EPHB1: variants seen among roughly 807,000 people sequenced by gnomAD.
EPHB1 encodes ephrin type-B receptor 1.
Under a neutral mutation model 94.4 loss-of-function variants are expected in EPHB1, and 30 were observed. The ratio of observed to expected loss-of-function variants is 0.32; its 90% CI spans 0.24 to 0.43. EPHB1 has a LOEUF of 0.43. EPHB1 is among the 20% of genes least tolerant of loss of function. EPHB1 has a pLI of 1.00. For missense variants in EPHB1, 1,055 were observed against 1,308.3 expected, an observed-to-expected ratio of 0.81 and a Z score of 2.99; for synonymous variants, 522 against 489.1, an observed-to-expected ratio of 1.07 and a Z score of -0.89.
At chr3:135,253,843 G>T (rs1478806570) in intron 15 of EPHB1, among the ~76,000 whole-genome samples, 1 of 152,178 alleles carries the variant, frequency 6.6e-6, no homozygotes, top group Admixed American at 6.5e-5. Flanking sequence ...TCCTACCCAT[G>T]AGCATGGAAT....
rs149829973 is a variant in EPHB1 at position 135,019,156 on chromosome 3, C to T, written c.805+67104C>T. Among the ~76,000 whole-genome samples the T allele has an allele frequency of 3.9e-4, 60 of 152,284 alleles. No individual in the cohort carries two copies. In the East Asian group the frequency reaches 0.012, roughly 29 times the overall value. On this transcript the variant is annotated intron_variant, in intron 3 of 15. Coordinates refer to ENST00000398015, the MANE Select transcript of EPHB1 (RefSeq NM_004441.5). ...TACCTCAGACCCCGAGCCTTTAGCACCAGCACAGGAGGTGGCTGCCCCCAC... is the reference window on the plus strand; with the variant it reads ...TACCTCAGACCCCGAGCCTTTAGCATCAGCACAGGAGGTGGCTGCCCCCAC...
rs144805610 is a variant in EPHB1 at position 135,233,598 on chromosome 3, C to G, written c.2347-7550C>G. Reference sequence around the variant, plus strand: ...GTCTGGAGGATGATGGCCCTCTTCTCACAGCTCCACCAGGCAATGCCCCAA... The same window carrying G: ...GTCTGGAGGATGATGGCCCTCTTCTGACAGCTCCACCAGGCAATGCCCCAA... On this transcript the variant is annotated intron_variant, in intron 12 of 15. Transcript: ENST00000398015. Among the ~76,000 whole-genome samples the G allele has an allele frequency of 2.6e-3, 399 of 152,344 alleles. 1 individual carries two copies. The highest frequency in any genetic ancestry group is 6.8e-3 in the Middle Eastern group (2 of 294).
chr3:135,081,667 C>G (rs1301379427), intron 3 of EPHB1, among the ~76,000 whole-genome samples: 6 of 152,162 alleles, frequency 3.9e-5, no homozygotes, highest in Non-Finnish European at 8.8e-5. Flanking sequence ...TGGACTGTAA[C>G]CCAGACCCCT....
At chr3:135,155,703 T>C (rs1941330859) in intron 6 of EPHB1, among the ~76,000 whole-genome samples, 1 of 140,266 alleles carries the variant, frequency 7.1e-6, no homozygotes, top group South Asian at 2.3e-4. Context: ...GGCTAGAGAA[T>C]CACTTGAACC....
At chr3:134,800,629 G>A (rs889987094) in intron 1 of EPHB1, among the ~76,000 whole-genome samples, 1 of 152,166 alleles carries the variant, frequency 6.6e-6, no homozygotes. Context: ...CACTGCCAAG[G>A]GGAATGTTTC....
Position 134,951,773 on chromosome 3 carries a change from G to A in EPHB1, c.526G>A (p.Ala176Thr), listed in dbSNP as rs781004053. 4 of 1,614,004 alleles carry A rather than the reference G, an allele frequency of 2.5e-6. No individual in the cohort carries two copies. The highest frequency in any genetic ancestry group is 1.1e-5 in the South Asian group (1 of 91,080). The change falls in exon 3 of 16, where the codon GCT (alanine) becomes ACT (threonine). Residue 176 changes from alanine to threonine, a missense_variant. Ala to Thr is a moderately conservative substitution (Grantham distance 58, BLOSUM62 0). Coordinates refer to ENST00000398015, the MANE Select transcript of EPHB1 (RefSeq NM_004441.5). The surrounding 1 kb of genome is among the most constrained non-coding windows in gnomAD (Gnocchi z 4.5). ...GPLTRNGFYL[A>T]FQDYGACMSL... is the part of the protein sequence containing the mutation. ...TCTTACTCGGAATGGTTTTTACCTC[G>A]CTTTTCAGGATTATGGAGCCTGTAT...
At chr3:135,091,814 G>A (rs1938568501) in intron 3 of EPHB1, among the ~76,000 whole-genome samples, 1 of 152,190 alleles carries the variant, frequency 6.6e-6, no homozygotes, top group South Asian at 2.1e-4. Context: ...TGTCCTCGGT[G>A]TGACCACTCA....
At chr3:134,922,122 A>G (rs1041696463) in intron 1 of EPHB1, among the ~76,000 whole-genome samples, 2 of 152,204 alleles carry the variant, frequency 1.3e-5, no homozygotes, top group African/African-American at 4.8e-5. Context: ...CACCACACGC[A>G]CTTCCAGCTG....
chr3:135,121,540 G>A (rs576829047), intron 4 of EPHB1, among the ~76,000 whole-genome samples: 2 of 152,316 alleles, frequency 1.3e-5, no homozygotes, highest in East Asian at 3.9e-4. Context: ...TGCTTGGACT[G>A]TTGCCTCCAG....
intron 10 of EPHB1, among the ~76,000 whole-genome samples, chr3:135,180,588 C>T (rs1288389954): frequency 6.6e-6 from 1 of 152,196 alleles, no homozygotes; most frequent in Non-Finnish European, 1.5e-5. Context: ...GTGCCCTCAT[C>T]CATCTTCCTG....
intron 1 of EPHB1, among the ~76,000 whole-genome samples, chr3:134,878,114 C>T (rs1293479069): frequency 1.3e-5 from 2 of 152,208 alleles, no homozygotes; most frequent in East Asian, 1.9e-4. Flanking sequence ...CAGCTGAGGA[C>T]GGCCTTGGGT....
At chr3:135,251,446 T>C (rs1314144215) in intron 15 of EPHB1, among the ~76,000 whole-genome samples, 1 of 151,848 alleles carries the variant, frequency 6.6e-6, no homozygotes, top group Non-Finnish European at 1.5e-5. Flanking sequence ...AGAATTCTCT[T>C]AGTCTGAGAA....
At chr3:135,017,383 G>A (rs1935837161) in intron 3 of EPHB1, among the ~76,000 whole-genome samples, 1 of 152,214 alleles carries the variant, frequency 6.6e-6, no homozygotes, top group Non-Finnish European at 1.5e-5. Flanking sequence ...AGGAAACTGA[G>A]AACAAAGGAT....
rs192432630 is a variant in EPHB1 at position 135,171,353 on chromosome 3, G to C, written c.1759+4347G>C. On this transcript the variant is annotated intron_variant, in intron 9 of 15. Transcript: ENST00000398015. ...CAAAAGAAAGTAGGTTAGTGACTCTGTCAGCCAGGAAGGAAGTCCCTGGTG... is the reference window on the plus strand; with the variant it reads ...CAAAAGAAAGTAGGTTAGTGACTCTCTCAGCCAGGAAGGAAGTCCCTGGTG... Among the ~76,000 whole-genome samples the C allele has an allele frequency of 1.1e-3, 173 of 152,324 alleles. No individual in the cohort carries two copies. In the Middle Eastern group the frequency reaches 0.017, roughly 15 times the overall value.
intron 15 of EPHB1, among the ~76,000 whole-genome samples, chr3:135,253,920 G>A (rs1399580832): frequency 6.7e-6 from 1 of 150,206 alleles, no homozygotes; most frequent in East Asian, 2.0e-4. Flanking sequence ...CCTTGAAGAG[G>A]TCCTTCACAT....
At chr3:135,014,131 G>A (rs866743346) in intron 3 of EPHB1, among the ~76,000 whole-genome samples, 6 of 152,174 alleles carry the variant, frequency 3.9e-5, no homozygotes, top group Non-Finnish European at 7.3e-5. Flanking sequence ...TGGGGAGCTA[G>A]GATGTGGGCA....
intron 3 of EPHB1, among the ~76,000 whole-genome samples, chr3:135,088,345 C>T (rs1010343815): frequency 4.6e-5 from 7 of 152,282 alleles, no homozygotes; most frequent in African/African-American, 1.4e-4. Context: ...ATCTCTGAGC[C>T]TCAGTATCAC....
chr3:134,957,191 G>C (rs1405761241), intron 3 of EPHB1, among the ~76,000 whole-genome samples: 1 of 152,148 alleles, frequency 6.6e-6, no homozygotes, highest in South Asian at 2.1e-4. Context: ...GTTTTACAAA[G>C]TGACATCCCC....
intron 3 of EPHB1, among the ~76,000 whole-genome samples, chr3:135,094,990 A>G (rs192767466): frequency 6.6e-6 from 1 of 152,194 alleles, no homozygotes; most frequent in Non-Finnish European, 1.5e-5. Flanking sequence ...TCTGCAGGCC[A>G]GCGGTCAAGG....
Sources: allele counts gnomAD v4.1 joint callset (sites outside exome capture counted in the v4.1 genomes callset), GRCh38; gene constraint gnomAD v4.1.1; non-coding constraint Gnocchi (gnomAD v3.1); transcripts MANE v1.5; gene names NCBI Gene and HGNC (gene_info 2026-07-23, HGNC 2026-07-21).